Variants in PTPN14 observed in about 807,000 individuals in gnomAD.
PTPN14 encodes the protein protein tyrosine phosphatase non-receptor type 14.
PTPN14 carries 53 observed loss-of-function variants against 126.8 expected under a neutral mutation model. That is an observed-to-expected ratio of 0.42 (90% CI 0.34 to 0.53). The LOEUF (loss-of-function observed/expected upper bound fraction) is 0.53, where lower values mean the gene tolerates loss of function less well. Among genes scored for constraint, PTPN14 ranks in the 20% least tolerant of loss-of-function variants. The pLI is 0.08. For missense variants in PTPN14, 1,257 were observed against 1,552.9 expected (o/e 0.81, Z 3.20); for synonymous variants, 630 against 599.3 (o/e 1.05, Z -0.75).
intron 1 of PTPN14, among the ~76,000 whole-genome samples, chr1:214,497,697 G>A (rs183572475): frequency 6.6e-5 from 10 of 152,042 alleles, no homozygotes; most frequent in East Asian, 1.9e-4. Context: ...ATATATTACC[G>A]AGTGGCAAAA....
intron 1 of PTPN14, among the ~76,000 whole-genome samples, chr1:214,465,951 C>CTTTTTTTTTTTTCTTTTTTTTTTTTTT (rs1660626026): frequency 1.7e-5 from 1 of 59,024 alleles, no homozygotes; most frequent in Non-Finnish European, 2.9e-5. Context: ...CAGTTACTTC[C>CTTTTTTTTTTTTCTTTTTTTTTTTTTT]TTTTTTTTTT....
chr1:214,387,442 T>TG (rs1326531741), intron 11 of PTPN14, among the ~76,000 whole-genome samples: 2 of 152,040 alleles, frequency 1.3e-5, no homozygotes, highest in Admixed American at 1.3e-4. Context: ...ACCTGGGACT[T>TG]GGAGGTTGCA....
chr1:214,402,957 TAAGAA>T lies in PTPN14; in HGVS notation c.511-9_511-5del, dbSNP rs1285595581. On this transcript the variant is annotated splice_polypyrimidine_tract_variant and splice_region_variant and intron_variant, in intron 5 of 18. Transcript: ENST00000366956. ...CAGCCTCTTCCAGGGCCAAATCCTATAAGAATAGAAAGTGCTTAAGGTCACATGAG... is the reference window on the plus strand; with the variant it reads ...CAGCCTCTTCCAGGGCCAAATCCTATTAGAAAGTGCTTAAGGTCACATGAG... 4.3e-6 allele frequency: 7 copies of T among 1,613,900 alleles called. No individual in the cohort carries two copies. The highest frequency in any genetic ancestry group is 5.9e-6 in the Non-Finnish European group (7 of 1,179,834).
At chr1:214,522,545 G>C (rs1205508534) in intron 1 of PTPN14, among the ~76,000 whole-genome samples, 2 of 152,174 alleles carry the variant, frequency 1.3e-5, no homozygotes, top group Non-Finnish European at 2.9e-5. Flanking sequence ...TGCAATACCT[G>C]TTTTCCATCA....
chr1:214,439,240 A>G (rs927867790), intron 3 of PTPN14, among the ~76,000 whole-genome samples: 2 of 152,230 alleles, frequency 1.3e-5, no homozygotes, highest in African/African-American at 4.8e-5. Flanking sequence ...CAGTATCCTC[A>G]TCAGTAGCTA....
intron 1 of PTPN14, among the ~76,000 whole-genome samples, chr1:214,516,004 A>C (rs1379529344): frequency 6.6e-6 from 1 of 152,150 alleles, no homozygotes; most frequent in Non-Finnish European, 1.5e-5. Flanking sequence ...TTTGTACTCA[A>C]CTTTTCAAAG....
chr1:214,372,126 C>T (rs1259389034), intron 16 of PTPN14: 3 of 152,640 alleles, frequency 2.0e-5, no homozygotes, highest in Admixed American at 6.5e-5. Flanking sequence ...GCAGTGTAGG[C>T]TGGTTTTTTA....
At chr1:214,458,985 G>T (rs1167666087) in intron 2 of PTPN14, among the ~76,000 whole-genome samples, 1 of 151,826 alleles carries the variant, frequency 6.6e-6, no homozygotes, top group African/African-American at 2.4e-5. Flanking sequence ...AATTGTCTTT[G>T]TTAATAGAGC....
intron 3 of PTPN14, among the ~76,000 whole-genome samples, chr1:214,433,436 G>C (rs1157651163): frequency 1.3e-5 from 2 of 151,920 alleles, no homozygotes; most frequent in Non-Finnish European, 2.9e-5. Context: ...GCTACTTATA[G>C]AAAAATGGGA....
rs1277431248 is a variant in PTPN14 at position 214,349,694 on chromosome 1, T to C, written c.*8228A>G. 2 of 152,146 alleles carry C rather than the reference T, an allele frequency of 1.3e-5. No individual in the cohort carries two copies. Among genetic ancestry groups the C allele is most frequent in the Admixed American group, 1.3e-4 (2 of 15,280 alleles). The allele number at this position is 152,146 out of a possible 1,614,324, so 9.4% of individuals were successfully genotyped here. On this transcript the variant is annotated 3_prime_UTR_variant, in exon 19 of 19. Transcript: ENST00000366956. ...CTATTGAAGGAACAAAGGACATACATAGGAACTCATCTCTGATGAAGAGTA... is the reference window on the plus strand; with the variant it reads ...CTATTGAAGGAACAAAGGACATACACAGGAACTCATCTCTGATGAAGAGTA...
intron 1 of PTPN14, among the ~76,000 whole-genome samples, chr1:214,495,120 A>G (rs550004220): frequency 1.4e-4 from 21 of 152,302 alleles, no homozygotes; most frequent in Middle Eastern, 3.4e-3. Flanking sequence ...AAGACACTAT[A>G]CTAGTGAAAA....
rs572310737 is a variant in PTPN14, at chr1:214,549,086, G to A, written c.-155+2097C>T. On this transcript the variant is annotated intron_variant, in intron 1 of 18. Coordinates refer to ENST00000366956, the MANE Select transcript of PTPN14 (RefSeq NM_005401.5). ...AGAAAAGATGCTGGTAGAGGGGCTT[G>A]GATAAACACCCAAAGTTGTAGGAAG... Among the ~76,000 whole-genome samples, 5 of 152,130 alleles carry A rather than the reference G, an allele frequency of 3.3e-5. No homozygotes were observed. The East Asian group carries it at 7.7e-4, about 23-fold the overall frequency.
At position 214,357,793 on chromosome 1, in the gene PTPN14, A is replaced by G. The variant is rs1657858363; in HGVS notation, c.*129T>C. 1 of 658,072 alleles carries G rather than the reference A, an allele frequency of 1.5e-6. No individual in the cohort carries two copies. The highest frequency in any genetic ancestry group is 2.3e-5 in the South Asian group (1 of 43,728). 40.8% of individuals were successfully genotyped at this position (658,072 alleles called of 1,614,324 possible). On this transcript the variant is annotated 3_prime_UTR_variant, in exon 19 of 19. Transcript: ENST00000366956. ...ATGGTATGTGTGAATAATCTTGGCTACTGTCTTCAGAGAGCCTGTTTGCTG... is the reference window on the plus strand; with the variant it reads ...ATGGTATGTGTGAATAATCTTGGCTGCTGTCTTCAGAGAGCCTGTTTGCTG...
intron 1 of PTPN14, among the ~76,000 whole-genome samples, chr1:214,549,193 AC>A (rs1656042580): frequency 6.6e-6 from 1 of 152,184 alleles, no homozygotes; most frequent in Admixed American, 6.5e-5. Flanking sequence ...GGACTCAGCC[AC>A]TATGAACAAT....
At chr1:214,540,060 A>G (rs1299549428) in intron 1 of PTPN14, among the ~76,000 whole-genome samples, 2 of 152,188 alleles carry the variant, frequency 1.3e-5, no homozygotes, top group African/African-American at 2.4e-5. Context: ...TAAATCACAT[A>G]ATTATATAAT....
intron 18 of PTPN14, among the ~76,000 whole-genome samples, chr1:214,359,409 A>C (rs181752597): frequency 6.7e-6 from 1 of 148,174 alleles, no homozygotes; most frequent in East Asian, 2.0e-4. Flanking sequence ...TTTTTAGTAG[A>C]GACGGGGTTT....
intron 2 of PTPN14, among the ~76,000 whole-genome samples, chr1:214,452,826 G>C (rs2102636182): frequency 6.6e-6 from 1 of 152,280 alleles, no homozygotes; most frequent in African/African-American, 2.4e-5. Context: ...CACTGCTTTT[G>C]AAGATTCTTT....
intron 3 of PTPN14, among the ~76,000 whole-genome samples, chr1:214,426,032 C>CAAAA (rs66656875): frequency 3.8e-4 from 13 of 33,850 alleles, no homozygotes; most frequent in East Asian, 1.5e-3. Context: ...GCATAAATCG[C>CAAAA]AAAAAAAAAA....
chr1:214,502,072 A>AG (rs1476027577), intron 1 of PTPN14, among the ~76,000 whole-genome samples: 1 of 151,920 alleles, frequency 6.6e-6, no homozygotes, highest in Admixed American at 6.6e-5. Flanking sequence ...AAAAAAAAAA[A>AG]AAAAAAAAAA....
Sources: allele counts gnomAD v4.1 joint callset (sites outside exome capture counted in the v4.1 genomes callset), GRCh38; gene constraint gnomAD v4.1.1; transcripts MANE v1.5; gene names NCBI Gene and HGNC (gene_info 2026-07-23, HGNC 2026-07-21).